The following GPC6 variants were observed in gnomAD, a reference collection of about 807,000 sequenced individuals.
GPC6 encodes the protein glypican-6.
Under a neutral mutation model 55.2 loss-of-function variants are expected in GPC6, and 14 were observed. The observed-to-expected ratio is 0.25, with a 90% CI of 0.17 to 0.40. The LOEUF is 0.40. GPC6 is among the 10% of genes least tolerant of loss of function. GPC6 has a pLI of 1.00. For missense variants in GPC6, 641 were observed against 708.5 expected (o/e 0.90, Z 1.08); for synonymous variants, 278 against 259.6 (o/e 1.07, Z -0.68).
intron 4 of GPC6, among the ~76,000 whole-genome samples, chr13:94,249,953 A>G (rs1047912413): frequency 3.9e-5 from 6 of 152,166 alleles, no homozygotes; most frequent in African/African-American, 1.2e-4. Flanking sequence ...CGGACAGGAA[A>G]TGTCTAGTGG....
At chr13:94,082,485 C>A (rs1049680438) in intron 4 of GPC6, among the ~76,000 whole-genome samples, 1 of 152,148 alleles carries the variant, frequency 6.6e-6, no homozygotes, top group African/African-American at 2.4e-5. Flanking sequence ...AGGAGAAGGT[C>A]TTCCCCTTTT....
At chr13:93,460,546 T>C (rs1445274) in intron 1 of GPC6, among the ~76,000 whole-genome samples, 60,527 of 151,888 alleles carry the variant, frequency 0.4, 12,655 homozygotes, top group East Asian at 0.66. Context: ...TGATGAAATA[T>C]CATAACATAG....
chr13:93,304,389 G>A (rs1211612926), intron 1 of GPC6, among the ~76,000 whole-genome samples: 1 of 152,152 alleles, frequency 6.6e-6, no homozygotes, highest in East Asian at 1.9e-4. Context: ...GCAGTTGCTA[G>A]CCTTGTCTTT....
At chr13:93,237,986 A>T (rs1876295738) in intron 1 of GPC6, among the ~76,000 whole-genome samples, 1 of 152,078 alleles carries the variant, frequency 6.6e-6, no homozygotes. Context: ...GTATAATTTG[A>T]AGTTGGGTGA....
intron 4 of GPC6, among the ~76,000 whole-genome samples, chr13:94,272,676 G>A (rs1892079057): frequency 6.6e-6 from 1 of 151,782 alleles, no homozygotes; most frequent in South Asian, 2.1e-4. Context: ...CACCGTGTTA[G>A]CCAGGATGGT....
chr13:93,737,985 T>A (rs1048216387), intron 2 of GPC6, among the ~76,000 whole-genome samples: 1 of 152,254 alleles, frequency 6.6e-6, no homozygotes, highest in East Asian at 1.9e-4. Context: ...ACTTCTTATA[T>A]TTTCAGACTA....
chr13:94,219,982 G>A (rs978596654), intron 4 of GPC6, among the ~76,000 whole-genome samples: 3 of 152,006 alleles, frequency 2.0e-5, no homozygotes, highest in East Asian at 3.9e-4. Flanking sequence ...TTTCCATTGC[G>A]CATGCCTGAA....
chr13:93,362,438 T>A (rs1287547405), intron 1 of GPC6, among the ~76,000 whole-genome samples: 1 of 152,052 alleles, frequency 6.6e-6, no homozygotes, highest in East Asian at 1.9e-4. Context: ...CCATCCAAGG[T>A]GAGAATGTAA....
At chr13:93,386,294 A>C (rs556801449) in intron 1 of GPC6, among the ~76,000 whole-genome samples, 1 of 152,268 alleles carries the variant, frequency 6.6e-6, no homozygotes, top group Non-Finnish European at 1.5e-5. Context: ...CAATGTAGAT[A>C]ATTCTCCCCT....
At chr13:93,803,169 G>T (rs1406169347) in intron 2 of GPC6, among the ~76,000 whole-genome samples, 1 of 152,022 alleles carries the variant, frequency 6.6e-6, no homozygotes, top group African/African-American at 2.4e-5. Flanking sequence ...AGGGGGAAAT[G>T]GAATGGAAGA....
chr13:94,225,772 A>G (rs1012471381), intron 4 of GPC6, among the ~76,000 whole-genome samples: 2 of 151,998 alleles, frequency 1.3e-5, no homozygotes, highest in Non-Finnish European at 2.9e-5. Flanking sequence ...AGAGGCTTGC[A>G]GGAGCCTAAA....
chr13:93,966,140 C>A (rs187932639), intron 3 of GPC6, among the ~76,000 whole-genome samples: 2 of 152,294 alleles, frequency 1.3e-5, no homozygotes, highest in East Asian at 3.9e-4. Flanking sequence ...CCTGGGGCAC[C>A]TTTGCTTGTA....
At chr13:94,037,714 G>C in intron 4 of GPC6, among the ~76,000 whole-genome samples, 2 of 152,032 alleles carry the variant, frequency 1.3e-5, no homozygotes, top group South Asian at 4.1e-4. Flanking sequence ...CAGTACCAGG[G>C]TTATTAACCA....
intron 2 of GPC6, among the ~76,000 whole-genome samples, chr13:93,663,095 CAAA>C (rs35257700): frequency 0.059 from 6,601 of 111,146 alleles, 276 homozygotes; most frequent in East Asian, 0.26. Flanking sequence ...TGACTGGTTG[CAAA>C]AAAAAAAAAA....
intron 3 of GPC6, among the ~76,000 whole-genome samples, chr13:93,926,679 A>G (rs1877873637): frequency 6.6e-6 from 1 of 152,222 alleles, no homozygotes; most frequent in African/African-American, 2.4e-5. Flanking sequence ...AGCCTAGTGA[A>G]TTGTTATGGG....
At chr13:93,388,924 A>G (rs1875510452) in intron 1 of GPC6, among the ~76,000 whole-genome samples, 1 of 152,192 alleles carries the variant, frequency 6.6e-6, no homozygotes, top group South Asian at 2.1e-4. Flanking sequence ...CAGCGTTGCC[A>G]TGGTTAAACC....
chr13:93,735,496 C>T (rs533340255), intron 2 of GPC6, among the ~76,000 whole-genome samples: 155 of 146,774 alleles, frequency 1.1e-3, no homozygotes, highest in African/African-American at 3.7e-3. Flanking sequence ...ACTCCAGCAT[C>T]GGTGACAGAG....
rs375063831 is a variant in GPC6, at chr13:93,735,362, A to G, written c.320-94792A>G. Among the ~76,000 whole-genome samples the G allele has an allele frequency of 8.6e-4, 131 of 152,048 alleles. No individual in the cohort carries two copies. The East Asian group carries it at 0.023, about 27-fold the overall frequency. On this transcript the variant is annotated intron_variant, in intron 2 of 8. Transcript: ENST00000377047. ...AGCCTGGCCAACATAGTGAAACCCC[A>G]TCTCTACTAAAAATACAAAACTTAG...
Position 93,830,359 on chromosome 13 carries a change from G to T in GPC6, c.525G>T (p.Leu175=). The change falls in exon 3 of 9, where the codon CTG becomes CTT. Residue 175 remains leucine (L), a synonymous_variant. Transcript: ENST00000377047. ...GGCTCCTGGAACGGATGTTTCAGCT[G>T]ATAAACCCTCAGTATCACTTCAGTG... ...WARLLERMFQ[L]INPQYHFSED... The T allele has an allele frequency of 6.2e-7, 1 of 1,613,898 alleles. No homozygotes were observed. The highest frequency in any genetic ancestry group is 8.5e-7 in the Non-Finnish European group (1 of 1,179,928).
Sources: gnomAD v4.1 joint callset for allele counts (sites outside exome capture counted in the v4.1 genomes callset) on GRCh38, gnomAD v4.1.1 for gene constraint, MANE v1.5 for transcripts, NCBI Gene and HGNC (gene_info 2026-07-23, HGNC 2026-07-21) for gene names.